The following CSMD1 variants were observed in gnomAD, a reference collection of about 807,000 sequenced individuals.
The protein encoded by CSMD1 is CUB and sushi domain-containing protein 1.
A neutral mutation model predicts 417.5 loss-of-function variants in CSMD1; 213 were observed. That is an observed-to-expected ratio of 0.51 (90% CI 0.46 to 0.57). The LOEUF (loss-of-function observed/expected upper bound fraction) is 0.57. Among genes scored for constraint, CSMD1 ranks in the 20% least tolerant of loss-of-function variants. CSMD1 has a pLI of 0.00. For synonymous variants in CSMD1, 2,862 were observed against 1,736.8 expected (o/e 1.65, Z -16.11); for missense variants, 6,923 against 4,529.7 (o/e 1.53, Z -15.17).
intron 38 of CSMD1, among the ~76,000 whole-genome samples, chr8:3,160,323 G>A (rs1268905674): frequency 6.6e-6 from 1 of 152,052 alleles, no homozygotes; most frequent in East Asian, 1.9e-4. Flanking sequence ...GTGTCTCACT[G>A]TGTTGCCCAG....
chr8:3,905,799 C>T (rs1808067861), intron 5 of CSMD1, among the ~76,000 whole-genome samples: 1 of 152,212 alleles, frequency 6.6e-6, no homozygotes, highest in Admixed American at 6.5e-5. Flanking sequence ...CCACCCTCTA[C>T]TGTAGTTAAC....
intron 23 of CSMD1, among the ~76,000 whole-genome samples, chr8:3,310,879 T>G (rs946300122): frequency 3.3e-5 from 5 of 151,586 alleles, no homozygotes; most frequent in African/African-American, 1.2e-4. Context: ...AAAAGAAATC[T>G]GGAGTTTTAA....
intron 1 of CSMD1, among the ~76,000 whole-genome samples, chr8:4,828,526 T>C (rs1180109931): frequency 6.6e-6 from 1 of 152,162 alleles, no homozygotes; most frequent in African/African-American, 2.4e-5. Flanking sequence ...GGTCCTTTAT[T>C]GCCTGAGCCA....
At chr8:4,906,886 G>C (rs1167212113) in intron 1 of CSMD1, among the ~76,000 whole-genome samples, 1 of 152,184 alleles carries the variant, frequency 6.6e-6, no homozygotes, top group South Asian at 2.1e-4. Context: ...AGTACCTTTA[G>C]TTTCACAATG....
intron 1 of CSMD1, among the ~76,000 whole-genome samples, chr8:4,641,088 T>C (rs1803161278): frequency 1.3e-5 from 2 of 151,486 alleles, no homozygotes. Flanking sequence ...ATGTGTATTT[T>C]GGTATGCATG....
chr8:4,198,346 T>G (rs1306151624), intron 3 of CSMD1, among the ~76,000 whole-genome samples: 2 of 152,224 alleles, frequency 1.3e-5, no homozygotes, highest in Non-Finnish European at 1.5e-5. Flanking sequence ...TGGACCTGTG[T>G]GCTAAGCCAG....
At chr8:4,382,796 G>T (rs900930202) in intron 3 of CSMD1, among the ~76,000 whole-genome samples, 4 of 152,178 alleles carry the variant, frequency 2.6e-5, no homozygotes, top group African/African-American at 4.8e-5. Context: ...TGGCCCCTCA[G>T]TGTCAGATGC....
intron 55 of CSMD1, among the ~76,000 whole-genome samples, chr8:2,976,947 T>A (rs1412345305): frequency 1.3e-5 from 2 of 152,028 alleles, no homozygotes; most frequent in African/African-American, 4.8e-5. Context: ...TCATCTATAA[T>A]TATCTCTGCC....
intron 23 of CSMD1, among the ~76,000 whole-genome samples, chr8:3,320,288 G>T (rs961075990): frequency 2.6e-5 from 4 of 152,124 alleles, no homozygotes; most frequent in Non-Finnish European, 4.4e-5. Flanking sequence ...CCCAAATTCT[G>T]TCCCGGACTC....
At chr8:3,255,930 T>C (rs570835506) in intron 26 of CSMD1, among the ~76,000 whole-genome samples, 1 of 152,290 alleles carries the variant, frequency 6.6e-6, no homozygotes, top group East Asian at 1.9e-4. Flanking sequence ...CAGTTGGAAA[T>C]GCAGAAATCA....
At chr8:3,372,465 G>C (rs981052613) in intron 18 of CSMD1, among the ~76,000 whole-genome samples, 1 of 152,154 alleles carries the variant, frequency 6.6e-6, no homozygotes, top group Non-Finnish European at 1.5e-5. Flanking sequence ...CAGTGGTGAA[G>C]GGAGGAAGGT....
At chr8:4,873,660 C>G (rs946532384) in intron 1 of CSMD1, among the ~76,000 whole-genome samples, 3 of 152,034 alleles carry the variant, frequency 2.0e-5, no homozygotes, top group Non-Finnish European at 2.9e-5. Context: ...TCCATCTATC[C>G]ATTCAGTAAA....
At chr8:3,218,725 A>G (rs1798028150) in intron 29 of CSMD1, among the ~76,000 whole-genome samples, 1 of 151,918 alleles carries the variant, frequency 6.6e-6, no homozygotes, top group South Asian at 2.1e-4. Flanking sequence ...TACAAAAATT[A>G]GCCGTGTATG....
intron 2 of CSMD1, among the ~76,000 whole-genome samples, chr8:4,604,425 A>G (rs1410554283): frequency 1.8e-5 from 2 of 111,502 alleles, no homozygotes; most frequent in East Asian, 4.6e-4. Flanking sequence ...GTGCGTAAAG[A>G]CTAGGATCTC....
intron 5 of CSMD1, among the ~76,000 whole-genome samples, chr8:3,780,720 G>A (rs953410052): frequency 6.6e-6 from 1 of 152,208 alleles, no homozygotes; most frequent in Non-Finnish European, 1.5e-5. Context: ...GAAATGCACA[G>A]ATGCTTTCCA....
At chr8:3,000,760 C>T (rs1321366225) in intron 52 of CSMD1, among the ~76,000 whole-genome samples, 1 of 152,156 alleles carries the variant, frequency 6.6e-6, no homozygotes, top group Non-Finnish European at 1.5e-5. Context: ...CAGGAGCATG[C>T]ACAGCTGACA....
intron 3 of CSMD1, among the ~76,000 whole-genome samples, chr8:4,084,998 G>T (rs563577848): frequency 2.0e-5 from 3 of 150,370 alleles, no homozygotes; most frequent in African/African-American, 4.9e-5. Flanking sequence ...GCGCGTGACA[G>T]GGAATTTAGA....
rs898353612 is a variant in CSMD1, at chr8:2,938,312, G to A, written c.*273C>T. ...ATTGAGTATGACGTGTTGGCGCGAC[G>A]TGGCAGTCTTCCTGGAGTGTGCCTT... On this transcript the variant is annotated 3_prime_UTR_variant, in exon 70 of 70. Coordinates refer to ENST00000635120, the MANE Select transcript of CSMD1 (RefSeq NM_033225.6). 7.9e-6 allele frequency: 3 copies of A among 379,376 alleles called. No individual in the cohort carries two copies. The highest frequency in any genetic ancestry group is 1.4e-5 in the Non-Finnish European group (3 of 212,614). 23.5% of individuals were successfully genotyped at this position (379,376 alleles called of 1,614,324 possible).
intron 3 of CSMD1, among the ~76,000 whole-genome samples, chr8:4,081,587 C>T (rs1036482975): frequency 3.3e-5 from 5 of 152,082 alleles, no homozygotes; most frequent in Non-Finnish European, 7.4e-5. Context: ...GAACACTATA[C>T]CCAACCACTG....
Sources: gnomAD v4.1 joint callset for allele counts (sites outside exome capture counted in the v4.1 genomes callset) on GRCh38, gnomAD v4.1.1 for gene constraint, MANE v1.5 for transcripts, NCBI Gene and HGNC (gene_info 2026-07-23, HGNC 2026-07-21) for gene names.